The following ADAMTSL1 variants were observed in gnomAD, a reference collection of about 807,000 sequenced individuals.
ADAMTSL1 encodes ADAMTS-like protein 1.
Under a neutral mutation model 201.8 loss-of-function variants are expected in ADAMTSL1, and 126 were observed. The ratio of observed to expected loss-of-function variants is 0.62; its 90% CI spans 0.54 to 0.72. The LOEUF (loss-of-function observed/expected upper bound fraction) is 0.72, where lower values mean the gene tolerates loss of function less well. ADAMTSL1 is among the 30% of genes least tolerant of loss of function. The pLI is 0.00. For missense variants in ADAMTSL1, 2,679 were observed against 2,277.8 expected (o/e 1.18, Z -3.59); for synonymous variants, 1,121 against 903.4 (o/e 1.24, Z -4.32).
intron 2 of ADAMTSL1, among the ~76,000 whole-genome samples, chr9:18,386,725 G>A (rs1472074326): frequency 2.0e-5 from 3 of 152,040 alleles, no homozygotes; most frequent in Non-Finnish European, 2.9e-5. Context: ...TGTAGTCATC[G>A]TGTGTCTTTT....
At chr9:18,761,574 C>T (rs905635938) in intron 16 of ADAMTSL1, among the ~76,000 whole-genome samples, 4 of 152,122 alleles carry the variant, frequency 2.6e-5, no homozygotes, top group African/African-American at 9.7e-5. Context: ...AATGATGACT[C>T]ATAAAGGCAA....
chr9:18,889,515 G>A, intron 24 of ADAMTSL1, 53 bp from the exon 25 acceptor site: 1 of 1,581,458 alleles, frequency 6.3e-7, no homozygotes, highest in Non-Finnish European at 8.6e-7. Context: ...GGAATTCAGA[G>A]TGTGGGCAAT....
At chr9:18,136,284 A>G (rs1826154928) in intron 1 of ADAMTSL1, among the ~76,000 whole-genome samples, 1 of 152,188 alleles carries the variant, frequency 6.6e-6, no homozygotes, top group African/African-American at 2.4e-5. Context: ...TCATTTTCAT[A>G]ATTGCTCCCA....
At chr9:17,986,856 C>T (rs1175501795) in intron 1 of ADAMTSL1, among the ~76,000 whole-genome samples, 1 of 152,074 alleles carries the variant, frequency 6.6e-6, no homozygotes, top group East Asian at 1.9e-4. Flanking sequence ...CCATTTGACA[C>T]TAGCACAGTT....
chr9:18,455,668 T>G (rs1820574159), intron 2 of ADAMTSL1, among the ~76,000 whole-genome samples: 1 of 152,158 alleles, frequency 6.6e-6, no homozygotes, highest in Non-Finnish European at 1.5e-5. Flanking sequence ...TCTAAACAGA[T>G]GAGAATATAA....
chr9:18,443,247 T>C (rs1024887144), intron 2 of ADAMTSL1, among the ~76,000 whole-genome samples: 1 of 152,212 alleles, frequency 6.6e-6, no homozygotes. Context: ...TCATCTTCAG[T>C]TTTTGAGAAG....
chr9:18,312,676 A>G (rs79708277), intron 2 of ADAMTSL1, among the ~76,000 whole-genome samples: 2,725 of 152,250 alleles, frequency 0.018, 75 homozygotes, highest in African/African-American at 0.063. Context: ...CCAATTTTTC[A>G]TCCTCAGTTT....
chr9:18,028,360 A>C (rs11789500), intron 1 of ADAMTSL1, among the ~76,000 whole-genome samples: 19,199 of 152,032 alleles, frequency 0.13, 1,592 homozygotes, highest in East Asian at 0.37. Context: ...AAACAAATTC[A>C]CTTAATGATT....
At chr9:18,389,972 G>T (rs10963594) in intron 2 of ADAMTSL1, among the ~76,000 whole-genome samples, 4,862 of 152,068 alleles carry the variant, frequency 0.032, 86 homozygotes, top group Non-Finnish European at 0.046. Flanking sequence ...TCCAGAAAGG[G>T]TTTTAAAGAA....
chr9:18,588,200 C>A (rs980886009), intron 4 of ADAMTSL1, among the ~76,000 whole-genome samples: 12 of 152,128 alleles, frequency 7.9e-5, no homozygotes, highest in African/African-American at 2.7e-4. Context: ...GGTTTTGATT[C>A]GCATTTCCCT....
At chr9:18,217,456 C>T (rs1463748887) in intron 2 of ADAMTSL1, among the ~76,000 whole-genome samples, 1 of 152,102 alleles carries the variant, frequency 6.6e-6, no homozygotes, top group Non-Finnish European at 1.5e-5. Flanking sequence ...TGTCTGTCAC[C>T]TTAGAAATCT....
chr9:18,185,102 C>G (rs183254070), intron 2 of ADAMTSL1, among the ~76,000 whole-genome samples: 221 of 152,228 alleles, frequency 1.5e-3, no homozygotes, highest in Non-Finnish European at 2.3e-3. Context: ...AAAGTAGCCC[C>G]TATGATCCTC....
chr9:18,248,352 C>T (rs943327010), intron 2 of ADAMTSL1, among the ~76,000 whole-genome samples: 1 of 152,128 alleles, frequency 6.6e-6, no homozygotes, highest in East Asian at 1.9e-4. Context: ...ATGTAAAAAG[C>T]TTGGCTTCCC....
rs775305585 is a variant in ADAMTSL1 at position 18,681,862 on chromosome 9, C to T, written c.1392C>T (p.Ile464=). 7 of 1,613,774 alleles carry T rather than the reference C, an allele frequency of 4.3e-6. No homozygotes were observed. Among genetic ancestry groups the T allele is most frequent in the African/African-American group, 2.7e-5 (2 of 74,904 alleles). The change falls in exon 12 of 29, where the codon ATC becomes ATT. Residue 464 remains isoleucine (I), a synonymous_variant. Coordinates refer to ENST00000380548, the MANE Select transcript of ADAMTSL1 (RefSeq NM_001040272.6). ...QGLRYRVVLC[I]DHRGMHTGGC... ...TCAGATACCGTGTGGTCCTCTGCATCGACCATCGAGGAATGCACACAGGAG... is the reference window on the plus strand; with the variant it reads ...TCAGATACCGTGTGGTCCTCTGCATTGACCATCGAGGAATGCACACAGGAG...
At position 18,776,924 on chromosome 9, in the gene ADAMTSL1, T is replaced by G; in HGVS notation, c.2695T>G (p.Cys899Gly). The G allele has an allele frequency of 6.2e-7, 1 of 1,605,278 alleles. No individual in the cohort carries two copies. Among genetic ancestry groups the G allele is most frequent in the Non-Finnish European group, 8.5e-7 (1 of 1,176,360 alleles). ...LLPKTAVVLRCPARRVRKPLI... is the reference protein window; with the variant it reads ...LLPKTAVVLRGPARRVRKPLI... ...CCCCAAGACGGCGGTGGTGCTGCGC[T>G]GCCCGGCGCGCAGGGTCCGCAAGCC... is the stretch of plus-strand genomic sequence containing the variant. Residue 899 changes from cysteine to glycine, a missense_variant, in exon 19 of 29, where the codon TGC becomes GGC. By Grantham distance (159) the Cys-to-Gly change is radical. Transcript: ENST00000380548.
At chr9:18,830,744 A>G (rs1824926050) in intron 23 of ADAMTSL1, among the ~76,000 whole-genome samples, 1 of 152,084 alleles carries the variant, frequency 6.6e-6, no homozygotes, top group African/African-American at 2.4e-5. Flanking sequence ...GGGTGGGGAA[A>G]TAGGCCTATA....
At chr9:18,606,630 A>G (rs1825031412) in intron 4 of ADAMTSL1, among the ~76,000 whole-genome samples, 1 of 152,184 alleles carries the variant, frequency 6.6e-6, no homozygotes, top group African/African-American at 2.4e-5. Flanking sequence ...TTTTCTAGAT[A>G]GGTGATATAG....
intron 2 of ADAMTSL1, among the ~76,000 whole-genome samples, chr9:18,312,162 G>A (rs560495265): frequency 8.2e-4 from 125 of 152,268 alleles, no homozygotes; most frequent in African/African-American, 2.9e-3. Context: ...CCATTTGAAG[G>A]GTCTTGAAGG....
At chr9:18,152,447 T>C (rs539559483) in intron 1 of ADAMTSL1, among the ~76,000 whole-genome samples, 6 of 152,100 alleles carry the variant, frequency 3.9e-5, no homozygotes, top group Admixed American at 3.9e-4. Flanking sequence ...CTAAAAGAGA[T>C]GGCTGACTCA....
Sources: gnomAD v4.1 joint callset for allele counts (sites outside exome capture counted in the v4.1 genomes callset) on GRCh38, gnomAD v4.1.1 for gene constraint, MANE v1.5 for transcripts, NCBI Gene and HGNC (gene_info 2026-07-23, HGNC 2026-07-21) for gene names.